Variants in UTP18 observed in about 807,000 individuals in gnomAD.
UTP18 encodes UTP18 small subunit processome component, also known as U3 small nucleolar RNA-associated protein 18 homolog.
In UTP18, 36 loss-of-function variants were observed where a neutral mutation model predicts 61.1. That is an observed-to-expected ratio of 0.59 (90% CI 0.45 to 0.78). The LOEUF (loss-of-function observed/expected upper bound fraction) is 0.78, where lower values mean the gene tolerates loss of function less well. UTP18 is among the 30% of genes least tolerant of loss of function. The pLI is 0.00. For missense variants in UTP18, 753 were observed against 693.9 expected (o/e 1.09, Z -0.96); for synonymous variants, 282 against 251.1 (o/e 1.12, Z -1.16).
rs1052635629 is a variant in UTP18, at chr17:51,260,922, C to G, written c.338C>G (p.Pro113Arg). ...GCGTTGCTGCGGCGTCTGCGAGGCC[C>G]GAGGGTGAGGGAGGCCGCGGCGCGC... Reference protein sequence around the residue: ...EDALLRRLRGPRVQEHEDSGD... With the variant: ...EDALLRRLRGRRVQEHEDSGD... The change falls in exon 1 of 14, where the codon CCG (proline) becomes CGG (arginine). Residue 113 changes from proline to arginine, a missense_variant. Physicochemically the swap from Pro to Arg is moderately radical, Grantham distance 103. Coordinates refer to ENST00000225298, the MANE Select transcript of UTP18 (RefSeq NM_016001.3). 3.8e-6 allele frequency: 6 copies of G among 1,574,302 alleles called. No homozygotes were observed. The highest frequency in any genetic ancestry group is 2.0e-4 in the Middle Eastern group (1 of 5,066).
intron 10 of UTP18, among the ~76,000 whole-genome samples, chr17:51,286,032 T>C (rs764721900): frequency 6.6e-6 from 1 of 152,260 alleles, no homozygotes; most frequent in Non-Finnish European, 1.5e-5. Context: ...TAAGTAACTT[T>C]GGGTTTAAAT....
At chr17:51,276,271 G>A (rs1310144201) in intron 6 of UTP18, among the ~76,000 whole-genome samples, 2 of 152,114 alleles carry the variant, frequency 1.3e-5, no homozygotes, top group African/African-American at 2.4e-5. Context: ...AGTTTGGGTC[G>A]CTCACCATCC....
At chr17:51,287,536 T>C (rs1407321067) in intron 10 of UTP18, among the ~76,000 whole-genome samples, 1 of 151,488 alleles carries the variant, frequency 6.6e-6, no homozygotes, top group Non-Finnish European at 1.5e-5. Flanking sequence ...ACCAGAGGAG[T>C]GGAATTGTCA....
At chr17:51,266,367 C>A (rs544128867) in intron 3 of UTP18, 87 bp downstream of exon 3, 1 of 931,398 alleles carries the variant, frequency 1.1e-6, no homozygotes, top group South Asian at 2.4e-5. Context: ...GTGTAGTTTT[C>A]CATTTTGAAA....
Position 51,290,898 on chromosome 17 carries a change from C to G in UTP18, c.1503+2695C>G, listed in dbSNP as rs79505713. On this transcript the variant is annotated intron_variant, in intron 11 of 13. Transcript: ENST00000225298. ...AATGCAGTCAATTCCTTATAATGAT[C>G]TAGACGGTTTTGTCATCCCATTACA... Among the ~76,000 whole-genome samples the G allele has an allele frequency of 9.6e-3, 1,465 of 152,306 alleles. 16 individuals are homozygous for G. Among genetic ancestry groups the G allele is most frequent in the Non-Finnish European group, 0.016 (1,096 of 68,028 alleles).
intron 10 of UTP18, among the ~76,000 whole-genome samples, chr17:51,286,772 G>C (rs1905128594): frequency 6.6e-6 from 1 of 152,182 alleles, no homozygotes; most frequent in African/African-American, 2.4e-5. Flanking sequence ...GATCTTCTGG[G>C]AATAAAGCTC....
chr17:51,275,770 C>A, intron 5 of UTP18, 96 bp from the exon 6 acceptor site: 105 of 969,394 alleles, frequency 1.1e-4, no homozygotes, highest in Admixed American at 3.4e-4. Flanking sequence ...GCATTTTTTT[C>A]CTTCATTATA....
intron 4 of UTP18, among the ~76,000 whole-genome samples, chr17:51,270,816 A>G (rs76333499): frequency 1.5e-3 from 224 of 152,330 alleles, no homozygotes; most frequent in South Asian, 2.7e-3. Flanking sequence ...CTTTGTGCAC[A>G]GGAGAAAAAG....
At chr17:51,295,561 C>A (rs1380921373) in intron 12 of UTP18, among the ~76,000 whole-genome samples, 3 of 152,102 alleles carry the variant, frequency 2.0e-5, no homozygotes, top group Admixed American at 6.6e-5. Context: ...TGGTCTATAT[C>A]TCTGTTTTGG....
rs1904705400 is a variant in UTP18, at chr17:51,275,905, G to C, written c.751G>C (p.Val251Leu). The C allele has an allele frequency of 1.2e-6, 2 of 1,611,682 alleles. No homozygotes were observed. The highest frequency in any genetic ancestry group is 1.7e-6 in the Non-Finnish European group (2 of 1,179,256). ...GCATGCGAATGCTGAACGTCCTACTGTTGCTCGGATCTCATCTGTGCAGTT... is the reference window on the plus strand; with the variant it reads ...GCATGCGAATGCTGAACGTCCTACTCTTGCTCGGATCTCATCTGTGCAGTT... Reference protein sequence around the residue: ...CQHANAERPTVARISSVQFHP... With the variant: ...CQHANAERPTLARISSVQFHP... Residue 251 changes from valine (V) to leucine (L), a missense_variant, in exon 6 of 14, where the codon GTT (valine) becomes CTT (leucine). Transcript: ENST00000225298.
chr17:51,271,415 T>C lies in UTP18; in HGVS notation c.623-1947T>C, dbSNP rs901726806. ...TCGACCTCCTGGGTTCAAGCAATCC[T>C]CCCACCTCAGCCTCTGGAGTAGCTA... On this transcript the variant is annotated intron_variant, in intron 4 of 13. Coordinates refer to ENST00000225298, the MANE Select transcript of UTP18 (RefSeq NM_016001.3). Among the ~76,000 whole-genome samples the C allele has an allele frequency of 3.3e-5, 5 of 151,976 alleles. No homozygotes were observed. In the South Asian group the frequency reaches 8.3e-4, roughly 25 times the overall value.
rs748007273 is a variant in UTP18 at position 51,293,859 on chromosome 17, G to A, written c.1504-44G>A. The A allele has an allele frequency of 1.1e-5, 15 of 1,428,558 alleles. No homozygotes were observed. In the South Asian group the frequency reaches 1.2e-4, roughly 11 times the overall value. The allele number at this position is 1,428,558 out of a possible 1,614,324, so 88.5% of individuals were successfully genotyped here. ...GAAGATTACAATTTAAGAAACATGAGCTCCCAGTTGTTACACTTTAAAGTT... is the reference window on the plus strand; with the variant it reads ...GAAGATTACAATTTAAGAAACATGAACTCCCAGTTGTTACACTTTAAAGTT... On this transcript the variant is annotated intron_variant, in intron 11 of 13. Transcript: ENST00000225298.
intron 4 of UTP18, among the ~76,000 whole-genome samples, chr17:51,269,840 T>A (rs1217745383): frequency 1.6e-4 from 3 of 18,362 alleles, no homozygotes; most frequent in Non-Finnish European, 3.8e-4. Context: ...AATAATGTAT[T>A]GTGTGTGTGT....
intron 2 of UTP18, 105 bp from the exon 3 acceptor site, chr17:51,266,077 G>A: frequency 1.3e-6 from 1 of 789,910 alleles, no homozygotes; most frequent in East Asian, 3.3e-5. Flanking sequence ...TAAAAATCTT[G>A]ACCTATATTG....
chr17:51,277,974 C>T (rs550036500), intron 7 of UTP18, among the ~76,000 whole-genome samples: 1 of 152,252 alleles, frequency 6.6e-6, no homozygotes, highest in Admixed American at 6.5e-5. Flanking sequence ...TATGGCACGG[C>T]TCACTGGTGC....
intron 11 of UTP18, among the ~76,000 whole-genome samples, chr17:51,291,457 C>T (rs1905236759): frequency 6.6e-6 from 1 of 151,872 alleles, no homozygotes; most frequent in Non-Finnish European, 1.5e-5. Flanking sequence ...AAAAATAGGT[C>T]AGGTGCAGTG....
chr17:51,263,037 G>A (rs531635586), intron 1 of UTP18, among the ~76,000 whole-genome samples: 2 of 152,310 alleles, frequency 1.3e-5, no homozygotes, highest in South Asian at 4.1e-4. Flanking sequence ...CGTGTTGAGT[G>A]TTGACTTTTT....
chr17:51,296,076 T>C (rs1905362773), intron 12 of UTP18, among the ~76,000 whole-genome samples: 3 of 152,228 alleles, frequency 2.0e-5, no homozygotes, highest in South Asian at 2.1e-4. Flanking sequence ...CCAAAACTTA[T>C]ATGCGCTGTC....
intron 11 of UTP18, among the ~76,000 whole-genome samples, chr17:51,291,138 A>T (rs1322835733): frequency 6.6e-6 from 1 of 152,246 alleles, no homozygotes; most frequent in Non-Finnish European, 1.5e-5. Context: ...TCACGCCTGT[A>T]ATCCCAGCAC....
Sources: allele counts gnomAD v4.1 joint callset (sites outside exome capture counted in the v4.1 genomes callset), GRCh38; gene constraint gnomAD v4.1.1; transcripts MANE v1.5; gene names NCBI Gene and HGNC (gene_info 2026-07-23, HGNC 2026-07-21).